DISC1: variants seen among roughly 807,000 people sequenced by gnomAD.
DISC1 encodes the protein DISC1 scaffold protein.
In DISC1, 57 loss-of-function variants were observed where a neutral mutation model predicts 84.5. The ratio of observed to expected loss-of-function variants is 0.67; its 90% CI spans 0.55 to 0.84. The LOEUF is 0.84. Among genes scored for constraint, DISC1 ranks in the 40% least tolerant of loss-of-function variants. The probability of loss-of-function intolerance (pLI) is 0.00; values close to 1 mark genes in which losing one functional copy is unlikely to be tolerated. For missense variants in DISC1, 1,000 were observed against 1,057.8 expected, an observed-to-expected ratio of 0.95 and a Z score of 0.76; for synonymous variants, 411 against 415.2, an observed-to-expected ratio of 0.99 and a Z score of 0.12.
At chr1:231,749,796 G>C in intron 3 of DISC1, 130 bp from the exon 4 acceptor site, 6 of 1,245,108 alleles carry the variant, frequency 4.8e-6, no homozygotes, top group Non-Finnish European at 1.2e-6. Context: ...TGCTGGCCTA[G>C]AAACTAGTAA....
Position 231,930,317 on chromosome 1 carries a change from G to A in DISC1, c.1982-28511G>A, listed in dbSNP as rs149879665. Reference sequence around the variant, plus strand: ...GGTAGCCCGATGCAGTGGGAGGGTCGATGGGCTTCTGCCTCAGAGTTCTTT... The same window carrying A: ...GGTAGCCCGATGCAGTGGGAGGGTCAATGGGCTTCTGCCTCAGAGTTCTTT... On this transcript the variant is annotated intron_variant, in intron 9 of 12. Coordinates refer to ENST00000439617, the MANE Select transcript of DISC1 (RefSeq NM_018662.3). Among the ~76,000 whole-genome samples, 232 of 152,206 alleles carry A rather than the reference G, an allele frequency of 1.5e-3. 3 individuals carry two copies. Among genetic ancestry groups the A allele is most frequent in the Admixed American group, 8.4e-3 (129 of 15,284 alleles).
intron 12 of DISC1, among the ~76,000 whole-genome samples, chr1:232,035,174 G>T (rs1006475656): frequency 2.0e-5 from 3 of 152,218 alleles, no homozygotes; most frequent in Non-Finnish European, 4.4e-5. Flanking sequence ...AGGAGGCTGG[G>T]CATGGTGGCT....
chr1:232,029,281 CTGAT>C (rs1327709869), intron 12 of DISC1, among the ~76,000 whole-genome samples: 1 of 152,210 alleles, frequency 6.6e-6, no homozygotes, highest in African/African-American at 2.4e-5. Flanking sequence ...TCTTCTGTCA[CTGAT>C]TGAGAATAAA....
intron 3 of DISC1, 162 bp downstream of exon 3, chr1:231,702,186 T>C: frequency 7.2e-7 from 1 of 1,390,852 alleles, no homozygotes; most frequent in South Asian, 1.6e-5. Flanking sequence ...TATTGTTTTG[T>C]AGATTTCAAA....
intron 12 of DISC1, among the ~76,000 whole-genome samples, chr1:232,032,504 C>T (rs904332080): frequency 3.9e-5 from 6 of 152,096 alleles, no homozygotes; most frequent in African/African-American, 1.4e-4. Flanking sequence ...ATAGTCTATT[C>T]CAAGGAGGTA....
intron 9 of DISC1, among the ~76,000 whole-genome samples, chr1:231,893,988 A>G (rs879813997): frequency 2.6e-5 from 4 of 152,210 alleles, no homozygotes; most frequent in Non-Finnish European, 5.9e-5. Flanking sequence ...ACATACCACA[A>G]ACGTGTATAC....
chr1:231,955,750 A>G (rs1434671545), intron 9 of DISC1, among the ~76,000 whole-genome samples: 2 of 152,084 alleles, frequency 1.3e-5, no homozygotes, highest in South Asian at 2.1e-4. Flanking sequence ...TCAGCCTCCC[A>G]AAGTGCTGGG....
rs149409065 is a variant in DISC1 at position 231,958,429 on chromosome 1, T to G, written c.1982-399T>G. Among the ~76,000 whole-genome samples the G allele has an allele frequency of 4.3e-3, 660 of 152,332 alleles. 12 individuals are homozygous for G. The South Asian group carries it at 0.073, about 17-fold the overall frequency. On this transcript the variant is annotated intron_variant, in intron 9 of 12. Transcript: ENST00000439617. ...CTACCCCTAGTGTGGCTCTTCTGGT[T>G]CATCTGTAGGATGGGAATCATTACA...
chr1:231,989,879 C>G (rs1225273638), intron 10 of DISC1, among the ~76,000 whole-genome samples: 1 of 152,184 alleles, frequency 6.6e-6, no homozygotes, highest in East Asian at 1.9e-4. Context: ...AGTATCTTAC[C>G]TAACGCTGTG....
chr1:231,850,514 A>G (rs933551648), intron 9 of DISC1, among the ~76,000 whole-genome samples: 1 of 152,266 alleles, frequency 6.6e-6, no homozygotes, highest in Non-Finnish European at 1.5e-5. Context: ...AGAACCTGAC[A>G]GGGAATGTTC....
intron 1 of DISC1, among the ~76,000 whole-genome samples, chr1:231,685,770 C>T (rs1399369894): frequency 6.6e-6 from 1 of 152,126 alleles, no homozygotes; most frequent in East Asian, 1.9e-4. Context: ...GCACTTCTAA[C>T]CCAAAAGTCC....
intron 6 of DISC1, among the ~76,000 whole-genome samples, chr1:231,781,343 A>G (rs201905889): frequency 2.6e-5 from 4 of 152,164 alleles, no homozygotes; most frequent in Non-Finnish European, 4.4e-5. Context: ...TAAGAAGCTT[A>G]CAACATGAGT....
intron 6 of DISC1, among the ~76,000 whole-genome samples, chr1:231,789,238 T>G: frequency 6.6e-6 from 1 of 152,136 alleles, no homozygotes; most frequent in East Asian, 1.9e-4. Context: ...CCATTATGTG[T>G]GCTGGGGCAG....
chr1:231,710,611 G>A (rs924561931), intron 3 of DISC1, among the ~76,000 whole-genome samples: 5 of 152,158 alleles, frequency 3.3e-5, no homozygotes, highest in African/African-American at 1.2e-4. Flanking sequence ...GGAATTCTAT[G>A]TCAAGTTGTC....
chr1:231,818,722 G>A, intron 9 of DISC1: 1 of 1,415,470 alleles, frequency 7.1e-7, no homozygotes, highest in Non-Finnish European at 9.2e-7. Context: ...ATATTCACAT[G>A]TGACATCTTT....
intron 3 of DISC1, among the ~76,000 whole-genome samples, chr1:231,718,947 C>A (rs569116883): frequency 6.6e-6 from 1 of 152,218 alleles, no homozygotes; most frequent in South Asian, 2.1e-4. Flanking sequence ...CCAGCCTGGG[C>A]AAATAGCAGG....
At chr1:231,901,729 CT>C (rs2088195168) in intron 9 of DISC1, among the ~76,000 whole-genome samples, 3 of 152,156 alleles carry the variant, frequency 2.0e-5, no homozygotes, top group Admixed American at 6.5e-5. Context: ...CCAAACTGTA[CT>C]TTATTATTAT....
intron 9 of DISC1, among the ~76,000 whole-genome samples, chr1:231,904,157 A>G (rs1051680784): frequency 1.3e-5 from 2 of 152,150 alleles, no homozygotes. Context: ...GTAGGTATTG[A>G]GTTGGAGGCT....
chr1:231,915,668 C>G (rs931755481), intron 9 of DISC1, among the ~76,000 whole-genome samples: 5 of 152,160 alleles, frequency 3.3e-5, no homozygotes, highest in Non-Finnish European at 5.9e-5. Context: ...ATCGCAGCTA[C>G]TTGGGAGGCT....
Sources: gnomAD v4.1 joint callset for allele counts (sites outside exome capture counted in the v4.1 genomes callset) on GRCh38, gnomAD v4.1.1 for gene constraint, MANE v1.5 for transcripts, NCBI Gene and HGNC (gene_info 2026-07-23, HGNC 2026-07-21) for gene names.